CELA1: variants seen among roughly 807,000 people sequenced by gnomAD.
CELA1 encodes chymotrypsin like elastase 1, also known as chymotrypsin-like elastase family member 1.
In CELA1, 28 loss-of-function variants were observed where a neutral mutation model predicts 34.8. That is an observed-to-expected ratio of 0.80 (90% CI 0.60 to 1.10). The LOEUF is 1.10. CELA1 is among the 50% of genes least tolerant of loss of function. The pLI is 0.00. For missense variants in CELA1, 288 were observed against 327.5 expected (o/e 0.88, Z 0.93); for synonymous variants, 140 against 129.8 (o/e 1.08, Z -0.53).
At chr12:51,338,571 G>A (rs927444202) in intron 6 of CELA1, among the ~76,000 whole-genome samples, 17 of 152,024 alleles carry the variant, frequency 1.1e-4, no homozygotes, top group Non-Finnish European at 1.6e-4. Flanking sequence ...ACAAATTCTA[G>A]TTTCTTGGGG....
chr12:51,338,779 C>T (rs970449520), intron 6 of CELA1, among the ~76,000 whole-genome samples: 3 of 152,168 alleles, frequency 2.0e-5, no homozygotes, highest in Non-Finnish European at 4.4e-5. Flanking sequence ...CAATGCCTGG[C>T]ATATAGTAGA....
At chr12:51,331,160 C>T (rs1017846552) in intron 6 of CELA1, among the ~76,000 whole-genome samples, 2 of 151,806 alleles carry the variant, frequency 1.3e-5, no homozygotes, top group East Asian at 1.9e-4. Context: ...GAGGCTGAGG[C>T]GGGCGGATCA....
intron 6 of CELA1, among the ~76,000 whole-genome samples, chr12:51,333,986 G>T (rs1946486722): frequency 6.6e-6 from 1 of 152,176 alleles, no homozygotes; most frequent in African/African-American, 2.4e-5. Flanking sequence ...AGTGGGGATG[G>T]GTTGATTGAA....
intron 5 of CELA1, 86 bp downstream of exon 5, chr12:51,341,157 AC>A: frequency 2.8e-6 from 4 of 1,422,050 alleles, no homozygotes; most frequent in Non-Finnish European, 4.0e-6. Flanking sequence ...GGCCATAAGC[AC>A]CTAGGACCAC....
At chr12:51,344,733 G>T (rs1257250459) in intron 2 of CELA1, among the ~76,000 whole-genome samples, 3 of 152,126 alleles carry the variant, frequency 2.0e-5, no homozygotes, top group Admixed American at 2.0e-4. Flanking sequence ...GCAAAGATTT[G>T]CTCCATCACC....
Position 51,338,255 on chromosome 12 carries a change from TACACACAC to T in CELA1, c.609+1597_609+1604del, listed in dbSNP as rs758082342. On this transcript the variant is annotated intron_variant, in intron 6 of 7. Transcript: ENST00000293636. ...TCCATCTCAGGAAAAAAAAAAAACA[TACACACAC>T]ACACACACACACACACACACACACA... Among the ~76,000 whole-genome samples the T allele has an allele frequency of 5.8e-3, 674 of 116,856 alleles. 6 individuals carry two copies. The highest frequency in any genetic ancestry group is 0.02 in the African/African-American group (621 of 30,708). The allele number at this position is 116,856 out of a possible 152,430, so 76.7% of individuals were successfully genotyped here.
At chr12:51,341,415 T>G in intron 4 of CELA1, 35 bp from the exon 5 acceptor site, 1 of 1,612,900 alleles carries the variant, frequency 6.2e-7, no homozygotes, top group South Asian at 1.1e-5. Flanking sequence ...ACTCATGGGA[T>G]CAGCTCTTCC....
intron 6 of CELA1, among the ~76,000 whole-genome samples, chr12:51,333,802 A>G (rs1440232372): frequency 6.6e-6 from 1 of 152,228 alleles, no homozygotes; most frequent in Admixed American, 6.6e-5. Context: ...CTCTTCCACC[A>G]AAATTCTATC....
In CELA1 at chr12:51,328,568, G is replaced by A; in HGVS notation, c.*9C>T. ...CATTTTGGGAAGGTCGTTGGACTCA[G>A]GAAAATGTTCAGTTGGAGGCGATGA... On this transcript the variant is annotated 3_prime_UTR_variant, in exon 8 of 8. Coordinates refer to ENST00000293636, the MANE Select transcript of CELA1 (RefSeq NM_001971.6). 6.2e-7 allele frequency: 1 copy of A among 1,614,116 alleles called. No individual in the cohort carries two copies. Among genetic ancestry groups the A allele is most frequent in the Non-Finnish European group, 8.5e-7 (1 of 1,179,986 alleles).
chr12:51,342,148 T>G (rs149562304), intron 4 of CELA1, among the ~76,000 whole-genome samples: 1,809 of 151,672 alleles, frequency 0.012, 21 homozygotes, highest in African/African-American at 0.041. Context: ...CAAGTGATTC[T>G]CCTGTAATCA....
At chr12:51,329,135 T>TTGGGATTA (rs1423159267) in intron 7 of CELA1, among the ~76,000 whole-genome samples, 3 of 150,568 alleles carry the variant, frequency 2.0e-5, no homozygotes, top group Non-Finnish European at 4.4e-5. Context: ...ATGCCTATAA[T>TTGGGATTA]CCCAACTACT....
intron 2 of CELA1, among the ~76,000 whole-genome samples, chr12:51,345,409 T>C (rs563044765): frequency 7.7e-4 from 117 of 152,216 alleles, no homozygotes; most frequent in Non-Finnish European, 1.4e-3. Context: ...TGTGTGTGTG[T>C]GTGCGCGCAC....
intron 6 of CELA1, 93 bp downstream of exon 6, chr12:51,339,767 A>G (rs952850504): frequency 1.5e-6 from 2 of 1,297,432 alleles, no homozygotes; most frequent in African/African-American, 1.5e-5. Context: ...TGTAGGACTA[A>G]GAGTAAGTGT....
intron 6 of CELA1, among the ~76,000 whole-genome samples, chr12:51,337,143 C>G (rs12305814): frequency 0.41 from 62,748 of 151,966 alleles, 13,357 homozygotes; most frequent in East Asian, 0.58. Context: ...TTCTAGCCCA[C>G]GGGTCAGCAA....
Position 51,329,782 on chromosome 12 carries a change from G to A in CELA1, c.661C>T (p.His221Tyr), listed in dbSNP as rs1226385975. 1 of 1,613,546 alleles carries A rather than the reference G, an allele frequency of 6.2e-7. No homozygotes were observed. Among genetic ancestry groups the A allele is most frequent in the East Asian group, 2.2e-5 (1 of 44,846 alleles). ...HCLVNGKYSV[H>Y]GVTSFVSSRG... is the part of the protein sequence containing the mutation. Reference sequence around the variant, plus strand: ...CTGGACACAAAGCTGGTCACTCCATGGACAGAATACTTGCCATTCACCAAG... The same window carrying A: ...CTGGACACAAAGCTGGTCACTCCATAGACAGAATACTTGCCATTCACCAAG... The change falls in exon 7 of 8, where the codon CAT becomes TAT. Residue 221 changes from histidine (H) to tyrosine (Y), a missense_variant. Physicochemically the swap from His to Tyr is moderately conservative, Grantham distance 83. Coordinates refer to ENST00000293636, the MANE Select transcript of CELA1 (RefSeq NM_001971.6).
At chr12:51,340,236 ACCCTACT>A (rs1946525674) in intron 5 of CELA1, among the ~76,000 whole-genome samples, 1 of 151,884 alleles carries the variant, frequency 6.6e-6, no homozygotes, top group African/African-American at 2.4e-5. Flanking sequence ...CAAGCCACCA[ACCCTACT>A]CCTGCTTCTT....
chr12:51,334,650 G>A (rs961802862), intron 6 of CELA1, among the ~76,000 whole-genome samples: 4 of 152,120 alleles, frequency 2.6e-5, no homozygotes, highest in African/African-American at 9.7e-5. Flanking sequence ...TAGCCAGGAT[G>A]GTCTCGATCT....
chr12:51,335,704 A>G (rs774378635), intron 6 of CELA1, among the ~76,000 whole-genome samples: 8 of 149,522 alleles, frequency 5.4e-5, no homozygotes, highest in Non-Finnish European at 1.0e-4. Context: ...TGGTGCGATC[A>G]TAGCTCACTG....
At chr12:51,344,963 A>G (rs2137484838) in intron 2 of CELA1, among the ~76,000 whole-genome samples, 1 of 151,896 alleles carries the variant, frequency 6.6e-6, no homozygotes, top group Admixed American at 6.6e-5. Context: ...CGTCTCTACT[A>G]AAAATACAAA....
Sources: allele counts gnomAD v4.1 joint callset (sites outside exome capture counted in the v4.1 genomes callset), GRCh38; gene constraint gnomAD v4.1.1; transcripts MANE v1.5; gene names NCBI Gene and HGNC (gene_info 2026-07-23, HGNC 2026-07-21).